PRR16: variants seen among roughly 807,000 people sequenced by gnomAD.
The protein encoded by PRR16 is protein Largen.
Under a neutral mutation model 18.2 loss-of-function variants are expected in PRR16, and 6 were observed. The observed-to-expected ratio is 0.33, with a 90% CI of 0.18 to 0.65. PRR16 has a LOEUF of 0.65. PRR16 is among the 30% of genes least tolerant of loss of function. The probability of loss-of-function intolerance (pLI) is 0.74; values close to 1 mark genes in which losing one functional copy is unlikely to be tolerated. For missense variants in PRR16, 412 were observed against 376.6 expected (o/e 1.09, Z -0.78); for synonymous variants, 151 against 147.8 (o/e 1.02, Z -0.16).
At chr5:120,636,669 CAT>C (rs1561586376) in intron 1 of PRR16, among the ~76,000 whole-genome samples, 1 of 152,006 alleles carries the variant, frequency 6.6e-6, no homozygotes, top group Non-Finnish European at 1.5e-5. Flanking sequence ...AGACCTGAAA[CAT>C]AAAGATTCTA....
chr5:120,638,631 T>A (rs1259215354), intron 1 of PRR16, among the ~76,000 whole-genome samples: 1 of 152,146 alleles, frequency 6.6e-6, no homozygotes, highest in African/African-American at 2.4e-5. Context: ...GCAGCCTGGC[T>A]CCACAGTCTA....
chr5:120,711,200 C>G, the PRR16 span, among the ~76,000 whole-genome samples: 2 of 152,082 alleles, frequency 1.3e-5, no homozygotes, highest in Non-Finnish European at 2.9e-5. Context: ...TTTTAATTCC[C>G]CTTTGCCATA....
At chr5:120,757,775 T>C in the PRR16 span, among the ~76,000 whole-genome samples, 1 of 152,002 alleles carries the variant, frequency 6.6e-6, no homozygotes, top group Non-Finnish European at 1.5e-5. Context: ...AATATAAATC[T>C]CTTACTGCTT....
chr5:120,655,925 G>A (rs946050576), intron 1 of PRR16, among the ~76,000 whole-genome samples: 3 of 151,736 alleles, frequency 2.0e-5, no homozygotes, highest in Admixed American at 1.3e-4. Context: ...GCCACCAGAA[G>A]ATCCCTTGAA....
chr5:120,671,763 G>A (rs1280006166), intron 1 of PRR16, among the ~76,000 whole-genome samples: 3 of 151,904 alleles, frequency 2.0e-5, no homozygotes, highest in Admixed American at 6.6e-5. Flanking sequence ...AATATATCAC[G>A]TGAATCTTCT....
chr5:120,650,206 A>C (rs1022618826), intron 1 of PRR16, among the ~76,000 whole-genome samples: 1 of 150,330 alleles, frequency 6.7e-6, no homozygotes, highest in African/African-American at 2.4e-5. Context: ...ACAGAACAAG[A>C]CTCCTTCTAA....
At chr5:120,706,201 T>G in the PRR16 span, among the ~76,000 whole-genome samples, 3 of 152,220 alleles carry the variant, frequency 2.0e-5, no homozygotes, top group African/African-American at 7.2e-5. Flanking sequence ...GGTTTAACTC[T>G]GTATTACCTT....
intron 1 of PRR16, among the ~76,000 whole-genome samples, chr5:120,532,188 A>G (rs1751573023): frequency 6.6e-6 from 1 of 152,190 alleles, no homozygotes; most frequent in Non-Finnish European, 1.5e-5. Context: ...CTTAGGCATG[A>G]TTACACAGAA....
At chr5:120,588,039 A>T (rs991713749) in intron 1 of PRR16, among the ~76,000 whole-genome samples, 4 of 152,226 alleles carry the variant, frequency 2.6e-5, no homozygotes, top group Non-Finnish European at 5.9e-5. Context: ...TAAAGACTTC[A>T]GTGGAGGAAG....
chr5:120,775,603 C>T, the PRR16 span, among the ~76,000 whole-genome samples: 2 of 147,174 alleles, frequency 1.4e-5, no homozygotes, highest in East Asian at 3.9e-4. Flanking sequence ...CTAAACTATA[C>T]ATCTTTTCCT....
At chr5:120,727,796 A>G in the PRR16 span, among the ~76,000 whole-genome samples, 1 of 152,106 alleles carries the variant, frequency 6.6e-6, no homozygotes, top group Non-Finnish European at 1.5e-5. Flanking sequence ...TCATGTTAAA[A>G]TATGAAAATA....
At chr5:120,685,899 T>C (rs1312501597) in intron 1 of PRR16, 55 bp from the exon 2 acceptor site, 3 of 1,513,900 alleles carry the variant, frequency 2.0e-6, no homozygotes, top group African/African-American at 2.8e-5. Context: ...AAATTGTTTC[T>C]AGTATACTTT....
At chr5:120,647,621 ATT>A (rs1419390198) in intron 1 of PRR16, among the ~76,000 whole-genome samples, 1 of 152,066 alleles carries the variant, frequency 6.6e-6, no homozygotes, top group Non-Finnish European at 1.5e-5. Flanking sequence ...TTCTTTACTA[ATT>A]CTAATCTCTG....
intron 1 of PRR16, among the ~76,000 whole-genome samples, chr5:120,537,052 C>T (rs950690126): frequency 2.6e-5 from 4 of 151,926 alleles, no homozygotes; most frequent in East Asian, 1.9e-4. Context: ...GGATGGAGGG[C>T]GAGAGGAGGG....
At chr5:120,541,129 G>T (rs874946) in intron 1 of PRR16, among the ~76,000 whole-genome samples, 1 of 151,772 alleles carries the variant, frequency 6.6e-6, no homozygotes. Flanking sequence ...TGACTGTTTC[G>T]TTGTTGTTGT....
At chr5:120,565,438 A>T (rs965541084) in intron 1 of PRR16, among the ~76,000 whole-genome samples, 2 of 152,244 alleles carry the variant, frequency 1.3e-5, no homozygotes, top group Non-Finnish European at 2.9e-5. Context: ...AAACTAGCCC[A>T]TTCAGATTAA....
At chr5:120,510,261 C>G (rs1254973422) in intron 1 of PRR16, among the ~76,000 whole-genome samples, 1 of 152,102 alleles carries the variant, frequency 6.6e-6, no homozygotes, top group South Asian at 2.1e-4. Context: ...TTATGATTGG[C>G]AGAACACTTT....
the PRR16 span, among the ~76,000 whole-genome samples, chr5:120,754,221 TA>T: frequency 1.7e-5 from 1 of 60,548 alleles, no homozygotes; most frequent in African/African-American, 6.3e-5. Context: ...TATATTATAA[TA>T]TATAATATAA....
At chr5:120,628,269 A>G (rs1754932041) in intron 1 of PRR16, among the ~76,000 whole-genome samples, 1 of 152,106 alleles carries the variant, frequency 6.6e-6, no homozygotes, top group African/African-American at 2.4e-5. Context: ...ATGCATGGGA[A>G]CTATGGAAAC....
Sources: allele counts gnomAD v4.1 joint callset (sites outside exome capture counted in the v4.1 genomes callset), GRCh38; gene constraint gnomAD v4.1.1; transcripts MANE v1.5; gene names NCBI Gene and HGNC (gene_info 2026-07-23, HGNC 2026-07-21).